Variants in PCDHGB6 observed in about 807,000 individuals in gnomAD.
The protein encoded by PCDHGB6 is protocadherin gamma-B6.
A neutral mutation model predicts 59.1 loss-of-function variants in PCDHGB6; 51 were observed. That is an observed-to-expected ratio of 0.86 (90% CI 0.69 to 1.09). The LOEUF (loss-of-function observed/expected upper bound fraction) is 1.09, where lower values mean the gene tolerates loss of function less well. Among genes scored for constraint, PCDHGB6 ranks in the 50% least tolerant of loss-of-function variants. PCDHGB6 has a pLI of 0.00. For missense variants in PCDHGB6, 1,148 were observed against 1,205.1 expected (o/e 0.95, Z 0.70); for synonymous variants, 466 against 495.1 (o/e 0.94, Z 0.78).
chr5:141,491,869 G>C lies in PCDHGB6; in HGVS notation c.2419-2938G>C. On this transcript the variant is annotated intron_variant, in intron 1 of 3. Transcript: ENST00000520790. This position sits in a 1 kb window ranked among gnomAD's most constrained non-coding sequence, Gnocchi z 6.9. ...GGACCGTTTGCGCGAAACCAGAGTG[G>C]CCGATTAAGGGATGGGGCTCCGAGC... The C allele has an allele frequency of 6.9e-7, 1 of 1,453,094 alleles. No homozygotes were observed. Among genetic ancestry groups the C allele is most frequent in the South Asian group, 1.5e-5 (1 of 68,080 alleles). 90.0% of individuals were successfully genotyped at this position (1,453,094 alleles called of 1,614,324 possible).
intron 2 of PCDHGB6, among the ~76,000 whole-genome samples, chr5:141,502,408 G>A (rs1197275813): frequency 6.6e-6 from 1 of 151,782 alleles, no homozygotes; most frequent in Non-Finnish European, 1.5e-5. Context: ...CCCGAACCTG[G>A]ATTTGCTGGC....
chr5:141,408,301 C>A lies in PCDHGB6; in HGVS notation c.99C>A (p.Ile33=). Reference sequence around the variant, plus strand: ...TCTACCCCACCCTGAGTGAGCCGATCCGCTACTCGATTCCGGAGGAGCTGG... The same window carrying A: ...TCTACCCCACCCTGAGTGAGCCGATACGCTACTCGATTCCGGAGGAGCTGG... ...PLFYPTLSEP[I]RYSIPEELAK... Residue 33 remains isoleucine (I), a synonymous_variant, in exon 1 of 4, where the codon ATC becomes ATA. Transcript: ENST00000520790. 1 of 1,613,756 alleles carries A rather than the reference C, an allele frequency of 6.2e-7. No individual in the cohort carries two copies. The highest frequency in any genetic ancestry group is 8.5e-7 in the Non-Finnish European group (1 of 1,179,718).
At chr5:141,421,578 T>C in intron 1 of PCDHGB6, 4 of 1,613,886 alleles carry the variant, frequency 2.5e-6, no homozygotes, top group Non-Finnish European at 3.4e-6. Flanking sequence ...CCTTGAAGAT[T>C]TACGGAGTGG....
In PCDHGB6 at chr5:141,432,866, G is replaced by C. The variant is rs139832920; in HGVS notation, c.2418+22246G>C. 8 of 1,614,152 alleles carry C rather than the reference G, an allele frequency of 5.0e-6. No individual in the cohort carries two copies. Among genetic ancestry groups the C allele is most frequent in the South Asian group, 2.2e-5 (2 of 91,074 alleles). On this transcript the variant is annotated intron_variant, in intron 1 of 3. Coordinates refer to ENST00000520790, the MANE Select transcript of PCDHGB6 (RefSeq NM_018926.3). The surrounding 1 kb of genome is among the most constrained non-coding windows in gnomAD (Gnocchi z 6.0). ...GGTAGCGGTGGCCGCGGTCTCCTGC[G>C]TCTTCCTGGCCTTCGTCATCTTGCT...
In PCDHGB6 at chr5:141,486,546, G is replaced by A. The variant is rs1156517969; in HGVS notation, c.2419-8261G>A. Reference sequence around the variant, plus strand: ...GATAATCCACCCTCTTTCTTTCAGAGGTCACATGAGGTGTTTGTTCCTGAG... The same window carrying A: ...GATAATCCACCCTCTTTCTTTCAGAAGTCACATGAGGTGTTTGTTCCTGAG... On this transcript the variant is annotated intron_variant, in intron 1 of 3. Coordinates refer to ENST00000520790, the MANE Select transcript of PCDHGB6 (RefSeq NM_018926.3). The surrounding 1 kb of genome is among the most constrained non-coding windows in gnomAD (Gnocchi z 5.0). 3 of 1,614,084 alleles carry A rather than the reference G, an allele frequency of 1.9e-6. No homozygotes were observed. The East Asian group carries it at 6.7e-5, about 36-fold the overall frequency.
intron 1 of PCDHGB6, chr5:141,422,347 G>A (rs1456770985): frequency 3.9e-6 from 6 of 1,553,980 alleles, no homozygotes; most frequent in Non-Finnish European, 5.2e-6. Context: ...AAATGTGCAA[G>A]ATCAAGATTC....
At chr5:141,454,811 T>TTTTTA (rs1284435092) in intron 1 of PCDHGB6, among the ~76,000 whole-genome samples, 4 of 125,862 alleles carry the variant, frequency 3.2e-5, no homozygotes, top group African/African-American at 1.3e-4. Context: ...TTTTTTTTTT[T>TTTTTA]TTTTTTTTTT....
chr5:141,455,690 C>A (rs1209152869), intron 1 of PCDHGB6, among the ~76,000 whole-genome samples: 1 of 152,064 alleles, frequency 6.6e-6, no homozygotes, highest in East Asian at 1.9e-4. Context: ...CTGTGGGAAT[C>A]GCCAAGTTGA....
At position 141,476,851 on chromosome 5, in the gene PCDHGB6, C is replaced by T; in HGVS notation, c.2419-17956C>T. ...CGAATGACAATGCGCCTGTCTTCAA[C>T]CAGTCCTTGTACCGGGCGCGCGTCC... On this transcript the variant is annotated intron_variant, in intron 1 of 3. Transcript: ENST00000520790. This position sits in a 1 kb window ranked among gnomAD's most constrained non-coding sequence, Gnocchi z 7.6. The T allele has an allele frequency of 6.2e-7, 1 of 1,613,836 alleles. No individual in the cohort carries two copies. Among genetic ancestry groups the T allele is most frequent in the Non-Finnish European group, 8.5e-7 (1 of 1,180,046 alleles).
At chr5:141,478,417 C>G in intron 1 of PCDHGB6, 1 of 1,613,652 alleles carries the variant, frequency 6.2e-7, no homozygotes, top group Non-Finnish European at 8.5e-7. Context: ...CGGACTCCCG[C>G]CGCAGCGACC....
chr5:141,503,506 G>A (rs2099820313), intron 2 of PCDHGB6, among the ~76,000 whole-genome samples: 1 of 151,616 alleles, frequency 6.6e-6, no homozygotes, highest in African/African-American at 2.4e-5. Context: ...GGCTGAGGCA[G>A]GAGAATCACT....
intron 1 of PCDHGB6, among the ~76,000 whole-genome samples, chr5:141,454,796 A>ATTTTTTTTTTTTTTTTTTTTTT (rs61612330): frequency 5.2e-5 from 4 of 77,456 alleles, no homozygotes; most frequent in Non-Finnish European, 7.0e-5. Context: ...CATGGTTCTA[A>ATTTTTTTTTTTTTTTTTTTTTT]TTTTTTTTTT....
intron 1 of PCDHGB6, among the ~76,000 whole-genome samples, chr5:141,462,903 T>A (rs1455334521): frequency 6.6e-6 from 1 of 152,208 alleles, no homozygotes; most frequent in Non-Finnish European, 1.5e-5. Context: ...GGAAGGCTAT[T>A]ATGTTTTTTG....
chr5:141,487,748 T>A lies in PCDHGB6; in HGVS notation c.2419-7059T>A, dbSNP rs1458153935. ...TGTCACCATTTTTGTAAGAGGTAACTATGTGGTAGACGCTGTGCTTTGTAA... is the reference window on the plus strand; with the variant it reads ...TGTCACCATTTTTGTAAGAGGTAACAATGTGGTAGACGCTGTGCTTTGTAA... On this transcript the variant is annotated intron_variant, in intron 1 of 3. Transcript: ENST00000520790. This position sits in a 1 kb window ranked among gnomAD's most constrained non-coding sequence, Gnocchi z 5.0. 6.4e-7 allele frequency: 1 copy of A among 1,557,554 alleles called. No homozygotes were observed. The highest frequency in any genetic ancestry group is 1.2e-5 in the South Asian group (1 of 84,814).
At chr5:141,457,568 T>A (rs1397626206) in intron 1 of PCDHGB6, among the ~76,000 whole-genome samples, 1 of 152,190 alleles carries the variant, frequency 6.6e-6, no homozygotes, top group African/African-American at 2.4e-5. Context: ...TGGAGCAAAA[T>A]TTTTCTCTCC....
At chr5:141,437,205 A>G (rs1561884114) in intron 1 of PCDHGB6, among the ~76,000 whole-genome samples, 1 of 152,202 alleles carries the variant, frequency 6.6e-6, no homozygotes, top group African/African-American at 2.4e-5. Context: ...ATGTGTTTAC[A>G]TTTATTCTGA....
intron 1 of PCDHGB6, among the ~76,000 whole-genome samples, chr5:141,452,578 C>T (rs2098744735): frequency 6.6e-6 from 1 of 152,150 alleles, no homozygotes; most frequent in African/African-American, 2.4e-5. Flanking sequence ...TCCCCCTTTC[C>T]ATCTTTGTAT....
rs991408001 is a variant in PCDHGB6, at chr5:141,450,171, C to G, written c.2418+39551C>G. Among the ~76,000 whole-genome samples, 5 of 151,690 alleles carry G rather than the reference C, an allele frequency of 3.3e-5. No individual in the cohort carries two copies. In the East Asian group the frequency reaches 7.8e-4, roughly 24 times the overall value. ...ACAGGCATGTGCCACCACACTCCCACCACACCCAGCTAATTTTTGTATTTT... is the reference window on the plus strand; with the variant it reads ...ACAGGCATGTGCCACCACACTCCCAGCACACCCAGCTAATTTTTGTATTTT... On this transcript the variant is annotated intron_variant, in intron 1 of 3. Transcript: ENST00000520790.
chr5:141,415,590 A>G lies in PCDHGB6; in HGVS notation c.2418+4970A>G, dbSNP rs201666137. On this transcript the variant is annotated intron_variant, in intron 1 of 3. Transcript: ENST00000520790. ...TGTTAGATGATTCGAAGTTTCCTAT[A>G]GAGGATACCCCATTGGTTCCAGTGA... 60 of 1,613,946 alleles carry G rather than the reference A, an allele frequency of 3.7e-5. 1 individual carries two copies. The African/African-American group carries it at 7.2e-4, about 19-fold the overall frequency.
Sources: allele counts gnomAD v4.1 joint callset (sites outside exome capture counted in the v4.1 genomes callset), GRCh38; gene constraint gnomAD v4.1.1; non-coding constraint Gnocchi (gnomAD v3.1); transcripts MANE v1.5; gene names NCBI Gene and HGNC (gene_info 2026-07-23, HGNC 2026-07-21).